The following SMCO2 variants were observed in gnomAD, a reference collection of about 807,000 sequenced individuals.
SMCO2 encodes single-pass membrane protein with coiled-coil domains 2, also known as single-pass membrane and coiled-coil domain-containing protein 2.
In SMCO2, 25 loss-of-function variants were observed where a neutral mutation model predicts 29.5. The observed-to-expected ratio is 0.85, with a 90% confidence interval of 0.62 to 1.18. The LOEUF (loss-of-function observed/expected upper bound fraction) is 1.18. Ranked by LOEUF, SMCO2 falls within the 50% of genes most tolerant of loss-of-function variation. The pLI is 0.00. For synonymous variants in SMCO2, 117 were observed against 123.3 expected (o/e 0.95, Z 0.34); for missense variants, 348 against 344.5 (o/e 1.01, Z -0.08).
the SMCO2 span, among the ~76,000 whole-genome samples, chr12:27,439,272 A>G: frequency 6.6e-6 from 1 of 152,334 alleles, no homozygotes; most frequent in African/African-American, 2.4e-5. Context: ...AACCCTAGCC[A>G]GCATTCCCAC....
chr12:27,501,935 G>A, exon 8 of SMCO2: 23 of 1,539,140 alleles, frequency 1.5e-5, no homozygotes, highest in Non-Finnish European at 2.0e-5. Context: ...AACGTGCACT[G>A]AGGATTTTCA....
the SMCO2 span, among the ~76,000 whole-genome samples, chr12:27,452,310 A>G: frequency 6.4e-3 from 971 of 152,278 alleles, 11 homozygotes; most frequent in African/African-American, 0.022. Context: ...CATACATTGT[A>G]CCCATTAAGT....
At chr12:27,465,068 AAAAG>A (rs898837588), upstream of SMCO2, among the ~76,000 whole-genome samples, 2 of 151,134 alleles carry the variant, frequency 1.3e-5, no homozygotes, top group Non-Finnish European at 2.9e-5. Flanking sequence ...AAAGAAAAGA[AAAAG>A]AGAGAGAGAG....
the SMCO2 span, among the ~76,000 whole-genome samples, chr12:27,447,614 T>C: frequency 0.69 from 105,040 of 151,338 alleles, 36,727 homozygotes; most frequent in Middle Eastern, 0.8. Flanking sequence ...AAAACTTAGC[T>C]GGGCATGGTG....
At chr12:27,487,753 C>CTTTTTTTTTTTT (rs143131425) in intron 4 of SMCO2, among the ~76,000 whole-genome samples, 5 of 129,450 alleles carry the variant, frequency 3.9e-5, no homozygotes, top group Non-Finnish European at 3.4e-5. Flanking sequence ...TCTTTTCTTT[C>CTTTTTTTTTTTT]TTTTTTTTTT....
the SMCO2 span, among the ~76,000 whole-genome samples, chr12:27,450,876 A>G: frequency 3.9e-5 from 6 of 152,226 alleles, no homozygotes; most frequent in Non-Finnish European, 7.3e-5. Context: ...CTGCAAAGTT[A>G]TGTCCATGAA....
At chr12:27,438,584 C>G in the SMCO2 span, among the ~76,000 whole-genome samples, 2 of 152,172 alleles carry the variant, frequency 1.3e-5, no homozygotes, top group African/African-American at 4.8e-5. Flanking sequence ...ACATCATTCA[C>G]TCATCTCTCC....
At chr12:27,457,297 A>G in the SMCO2 span, among the ~76,000 whole-genome samples, 1 of 152,132 alleles carries the variant, frequency 6.6e-6, no homozygotes. Context: ...CACTGTCTTG[A>G]AATTCTTAAT....
At chr12:27,433,177 C>T in the SMCO2 span, among the ~76,000 whole-genome samples, 2 of 151,240 alleles carry the variant, frequency 1.3e-5, no homozygotes, top group African/African-American at 2.4e-5. Context: ...CACATATAGA[C>T]GTGTGTGTGT....
chr12:27,497,732 C>CAAAAA lies in SMCO2; in HGVS notation c.683+1891_683+1895dup, dbSNP rs544348765. On this transcript the variant is annotated intron_variant, in intron 7 of 7. Coordinates refer to ENST00000298876, the Ensembl canonical transcript of SMCO2. Reference sequence around the variant, plus strand: ...TGGGTAACAGAGTGAGACCTGGTCTCAAAAAAAAAAAAAAAAAATCAGATG... The same window carrying CAAAAA: ...TGGGTAACAGAGTGAGACCTGGTCTCAAAAAAAAAAAAAAAAAAAAAAATCAGATG... 133 of 89,382 alleles carry CAAAAA rather than the reference C, an allele frequency of 1.5e-3. 2 individuals are homozygous for CAAAAA. In the East Asian group the frequency reaches 0.016, roughly 11 times the overall value. The allele number at this position is 89,382 out of a possible 1,614,324, so 5.5% of individuals were successfully genotyped here. A position where few individuals can be genotyped will look rare whatever the true frequency, so the allele number is the denominator to read the frequency against.
chr12:27,493,404 T>C (rs953969365), intron 5 of SMCO2, among the ~76,000 whole-genome samples: 2 of 152,048 alleles, frequency 1.3e-5, no homozygotes, highest in Non-Finnish European at 2.9e-5. Context: ...TGGTGGCACA[T>C]GCCTATAGTC....
chr12:27,439,935 A>G, the SMCO2 span, among the ~76,000 whole-genome samples: 1 of 152,184 alleles, frequency 6.6e-6, no homozygotes. Context: ...TTGTTCAAAG[A>G]AATAATGATA....
chr12:27,438,413 G>T, the SMCO2 span, among the ~76,000 whole-genome samples: 2 of 152,148 alleles, frequency 1.3e-5, no homozygotes, highest in Non-Finnish European at 1.5e-5. Context: ...ACAGCCTACT[G>T]GTCATATCTG....
At chr12:27,458,864 G>A in the SMCO2 span, among the ~76,000 whole-genome samples, 21 of 144,728 alleles carry the variant, frequency 1.5e-4, 1 homozygote, top group African/African-American at 4.1e-4. Flanking sequence ...TCCAGCCTGG[G>A]TGACAGAGCG....
the SMCO2 span, among the ~76,000 whole-genome samples, chr12:27,450,888 G>A: frequency 2.0e-5 from 3 of 152,160 alleles, no homozygotes; most frequent in Non-Finnish European, 1.5e-5. Context: ...GTCCATGAAC[G>A]AGGCTATCCT....
the SMCO2 span, among the ~76,000 whole-genome samples, chr12:27,432,747 C>T: frequency 1.3e-5 from 2 of 152,146 alleles, no homozygotes; most frequent in African/African-American, 4.8e-5. Flanking sequence ...ATTATGTCTT[C>T]AAAAACACTT....
At chr12:27,455,826 G>A in the SMCO2 span, among the ~76,000 whole-genome samples, 9,509 of 152,272 alleles carry the variant, frequency 0.062, 882 homozygotes, top group African/African-American at 0.2. Flanking sequence ...GAAGATGTAT[G>A]AGACTAACAT....
intron 5 of SMCO2, among the ~76,000 whole-genome samples, chr12:27,492,473 T>A (rs1942930197): frequency 6.6e-6 from 1 of 152,054 alleles, no homozygotes. Flanking sequence ...CAAGACGGGT[T>A]GATTGCTTGA....
rs192755549 is a variant in SMCO2 at position 27,488,662 on chromosome 12, G to A, written c.450+115G>A. The A allele has an allele frequency of 2.5e-5, 17 of 675,340 alleles. No individual in the cohort carries two copies. The African/African-American group carries it at 3.2e-4, about 13-fold the overall frequency. The allele number at this position is 675,340 out of a possible 1,614,324, so 41.8% of individuals were successfully genotyped here. A position where few individuals can be genotyped will look rare whatever the true frequency, so the allele number is the denominator to read the frequency against. ...AGAAGTAAGACTCATAAGCAGGAGT[G>A]CTCTCTGGTGGTCACGTCTGAGCAC... On this transcript the variant is annotated intron_variant, in intron 5 of 7. Transcript: ENST00000298876.
Sources: gnomAD v4.1 joint callset for allele counts (sites outside exome capture counted in the v4.1 genomes callset) on GRCh38, gnomAD v4.1.1 for gene constraint, MANE v1.5 for transcripts, NCBI Gene and HGNC (gene_info 2026-07-23, HGNC 2026-07-21) for gene names.